The following USP43 variants were observed in gnomAD, a reference collection of about 807,000 sequenced individuals.
USP43 encodes ubiquitin carboxyl-terminal hydrolase 43.
In USP43, 33 loss-of-function variants were observed where a neutral mutation model predicts 90.7. The ratio of observed to expected loss-of-function variants is 0.36; its 90% CI spans 0.28 to 0.49. The LOEUF is 0.49. Among genes scored for constraint, USP43 ranks in the 20% least tolerant of loss-of-function variants. The pLI, the probability that USP43 is intolerant of heterozygous loss-of-function variation, is 0.98. For synonymous variants in USP43, 598 were observed against 615.8 expected (o/e 0.97, Z 0.43); for missense variants, 1,274 against 1,476.4 (o/e 0.86, Z 2.25).
rs1916237292 is a variant in USP43, at chr17:9,712,151, C to T, written c.2335+19C>T. On this transcript the variant is annotated intron_variant, in intron 14 of 14. Coordinates refer to ENST00000285199, the MANE Select transcript of USP43 (RefSeq NM_153210.5). ...GAAAAGGGTATGTTGGTTAAATGTG[C>T]TTGGTTGATTTTCATTTTCTGTAAT... 2 of 1,533,162 alleles carry T rather than the reference C, an allele frequency of 1.3e-6. No individual in the cohort carries two copies. Among genetic ancestry groups the T allele is most frequent in the Non-Finnish European group, 1.8e-6 (2 of 1,136,280 alleles). The allele number at this position is 1,533,162 out of a possible 1,614,324, so 95.0% of individuals were successfully genotyped here.
chr17:9,687,011 G>A, intron 8 of USP43, 102 bp downstream of exon 8: 1 of 1,011,982 alleles, frequency 9.9e-7, no homozygotes, highest in Non-Finnish European at 1.4e-6. Flanking sequence ...GTGTAGCCCA[G>A]GAGAGGATAA....
chr17:9,700,000 C>A (rs541144377), intron 9 of USP43, among the ~76,000 whole-genome samples, 172 bp from the exon 10 acceptor site: 217 of 152,288 alleles, frequency 1.4e-3, no homozygotes, highest in African/African-American at 4.8e-3. Flanking sequence ...TGAGACGGAG[C>A]CTTCAGCAGA....
chr17:9,659,220 C>T (rs1465218310), intron 2 of USP43, among the ~76,000 whole-genome samples: 6 of 152,068 alleles, frequency 3.9e-5, no homozygotes, highest in Non-Finnish European at 7.4e-5. Flanking sequence ...TACTGTTTGT[C>T]GAATGTTTGT....
At chr17:9,702,854 G>T (rs1046802952) in intron 12 of USP43, among the ~76,000 whole-genome samples, 6 of 152,210 alleles carry the variant, frequency 3.9e-5, no homozygotes, top group Non-Finnish European at 5.9e-5. Flanking sequence ...TAGAGAAAGA[G>T]AAATGAGGAT....
At position 9,672,963 on chromosome 17, in the gene USP43, A is replaced by G. The variant is rs951659804; in HGVS notation, c.741-1928A>G. Among the ~76,000 whole-genome samples the G allele has an allele frequency of 1.4e-4, 21 of 152,330 alleles. 1 individual carries two copies. The highest frequency in any genetic ancestry group is 5.1e-4 in the African/African-American group (21 of 41,580). ...ATCAAACGAGACGGGCACTTTCCACAAGGACTCAGGAAACCTGTTCTGATA... is the reference window on the plus strand; with the variant it reads ...ATCAAACGAGACGGGCACTTTCCACGAGGACTCAGGAAACCTGTTCTGATA... On this transcript the variant is annotated intron_variant, in intron 3 of 14. Transcript: ENST00000285199.
rs546696588 is a variant in USP43, at chr17:9,653,616, T to C, written c.505-2787T>C. 5.4e-5 allele frequency among the ~76,000 whole-genome samples: 8 copies of C among 147,438 alleles called. No individual in the cohort carries two copies. In the East Asian group the frequency reaches 1.4e-3, roughly 26 times the overall value. On this transcript the variant is annotated intron_variant, in intron 1 of 14. Coordinates refer to ENST00000285199, the MANE Select transcript of USP43 (RefSeq NM_153210.5). ...AAAAGAAAAAAAAAAAAAGTAAAGG[T>C]CTAGACTGTAGAAGTAGGAAAGAGT... is the stretch of plus-strand genomic sequence containing the variant.
chr17:9,729,430 C>G lies in USP43; in HGVS notation c.*440C>G, dbSNP rs1383128631. 1 of 139,686 alleles carries G rather than the reference C, an allele frequency of 7.2e-6. No homozygotes were observed. Among genetic ancestry groups the G allele is most frequent in the Non-Finnish European group, 1.5e-5 (1 of 64,676 alleles). The allele number at this position is 139,686 out of a possible 1,614,324, so 8.7% of individuals were successfully genotyped here. A position where few individuals can be genotyped will look rare whatever the true frequency, so the allele number is the denominator to read the frequency against. On this transcript the variant is annotated 3_prime_UTR_variant, in exon 15 of 15. Coordinates refer to ENST00000285199, the MANE Select transcript of USP43 (RefSeq NM_153210.5). ...AAAGAAAAATATTTTATTTTTAATG[C>G]TTTTCTGGGATAAGCATTAAAGATG...
chr17:9,725,117 C>T (rs1029517950), intron 14 of USP43, among the ~76,000 whole-genome samples: 24 of 152,258 alleles, frequency 1.6e-4, no homozygotes, highest in East Asian at 1.4e-3. Context: ...TCCAGAGCTG[C>T]GGTGTGGAGG....
At chr17:9,679,280 C>A (rs2151974798) in intron 5 of USP43, among the ~76,000 whole-genome samples, 3 of 152,174 alleles carry the variant, frequency 2.0e-5, no homozygotes, top group Middle Eastern at 6.8e-3. Context: ...TAGCTTGCTG[C>A]AGCCTTGAAC....
intron 14 of USP43, among the ~76,000 whole-genome samples, chr17:9,716,048 T>G (rs929265257): frequency 2.0e-5 from 3 of 151,476 alleles, no homozygotes; most frequent in Non-Finnish European, 4.4e-5. Flanking sequence ...TGTGTTTGTG[T>G]GTATGAGTGT....
At chr17:9,655,974 C>T (rs927858071) in intron 1 of USP43, among the ~76,000 whole-genome samples, 2 of 152,080 alleles carry the variant, frequency 1.3e-5, no homozygotes, top group African/African-American at 2.4e-5. Context: ...GCAAGTAGGG[C>T]TAGAAGGCTG....
Position 9,701,900 on chromosome 17 carries a change from G to T in USP43, c.2011+200G>T, listed in dbSNP as rs1029244366. On this transcript the variant is annotated intron_variant, in intron 12 of 14. Transcript: ENST00000285199. This position sits in a 1 kb window ranked among gnomAD's most constrained non-coding sequence, Gnocchi z 7.2. ...ACCTGCCCTGTAGGAGCTGGTGGGGGAGAGAGAATTCCAGTAAAATATAGT... is the reference window on the plus strand; with the variant it reads ...ACCTGCCCTGTAGGAGCTGGTGGGGTAGAGAGAATTCCAGTAAAATATAGT... 7.9e-5 allele frequency among the ~76,000 whole-genome samples: 12 copies of T among 152,324 alleles called. No homozygotes were observed. Among genetic ancestry groups the T allele is most frequent in the Middle Eastern group, 3.4e-3 (1 of 294 alleles).
chr17:9,729,038 A>C lies in USP43; in HGVS notation c.*48A>C, dbSNP rs749215501. 3.4e-6 allele frequency: 5 copies of C among 1,481,066 alleles called. No individual in the cohort carries two copies. Among genetic ancestry groups the C allele is most frequent in the Non-Finnish European group, 4.5e-6 (5 of 1,111,738 alleles). The allele number at this position is 1,481,066 out of a possible 1,614,324, so 91.7% of individuals were successfully genotyped here. ...ACGCTGGCATTCTTGGGACTTTGCC[A>C]AGCAACTGTAGGCAGCTCATGTTGA... On this transcript the variant is annotated 3_prime_UTR_variant, in exon 15 of 15. Transcript: ENST00000285199.
At chr17:9,687,013 A>C in intron 8 of USP43, 104 bp downstream of exon 8, 1 of 1,003,730 alleles carries the variant, frequency 1.0e-6, no homozygotes. Flanking sequence ...GTAGCCCAGG[A>C]GAGGATAATT....
intron 5 of USP43, among the ~76,000 whole-genome samples, chr17:9,679,139 C>T (rs190527854): frequency 5.1e-4 from 77 of 152,242 alleles, no homozygotes; most frequent in African/African-American, 1.8e-3. Flanking sequence ...TTCATCATTT[C>T]TTCCTACAAC....
chr17:9,676,621 T>G, intron 4 of USP43, 125 bp from the exon 5 acceptor site: 3 of 1,248,588 alleles, frequency 2.4e-6, no homozygotes, highest in South Asian at 1.7e-5. Flanking sequence ...ATCCACCTGC[T>G]TCAGCCTCCC....
rs1916082034 is a variant in USP43 at position 9,709,777 on chromosome 17, C to T, written c.2012-179C>T. ...TAACAGCACTTGTTATAGTAAGAAT[C>T]CGAGGGTATAACTTACTGATCTTTT... On this transcript the variant is annotated intron_variant, in intron 12 of 14. Transcript: ENST00000285199. The surrounding 1 kb of genome is among the most constrained non-coding windows in gnomAD (Gnocchi z 5.0). Among the ~76,000 whole-genome samples, 1 of 152,012 alleles carries T rather than the reference C, an allele frequency of 6.6e-6. No individual in the cohort carries two copies. The highest frequency in any genetic ancestry group is 1.5e-5 in the Non-Finnish European group (1 of 68,000).
chr17:9,700,507 G>A (rs544112838), intron 10 of USP43, among the ~76,000 whole-genome samples: 12 of 152,276 alleles, frequency 7.9e-5, no homozygotes, highest in Non-Finnish European at 1.3e-4. Flanking sequence ...AGACAGTTAC[G>A]TAGCACCCAC....
rs1408869684 is a variant in USP43, at chr17:9,701,678, C to A, written c.1989C>A (p.Asn663Lys). Residue 663 changes from asparagine (N) to lysine (K), a missense_variant, in exon 12 of 15, where the codon AAC becomes AAA. Asn to Lys is a moderately conservative substitution (Grantham distance 94). Transcript: ENST00000285199. The surrounding 1 kb of genome is among the most constrained non-coding windows in gnomAD (Gnocchi z 7.2). ...DLYAVCNHHG[N>K]LQGGHYTAYC... ...ATGCCGTCTGCAACCACCATGGCAA[C>A]CTGCAAGGTGGGCATTACACAGGTG... 2 of 1,572,322 alleles carry A rather than the reference C, an allele frequency of 1.3e-6. No individual in the cohort carries two copies. Among genetic ancestry groups the A allele is most frequent in the Non-Finnish European group, 1.7e-6 (2 of 1,158,512 alleles).
Sources: allele counts gnomAD v4.1 joint callset (sites outside exome capture counted in the v4.1 genomes callset), GRCh38; gene constraint gnomAD v4.1.1; non-coding constraint Gnocchi (gnomAD v3.1); transcripts MANE v1.5; gene names NCBI Gene and HGNC (gene_info 2026-07-23, HGNC 2026-07-21).